The following INPP5F variants were observed in gnomAD, a reference collection of about 807,000 sequenced individuals.
INPP5F encodes the protein inositol polyphosphate-5-phosphatase F.
Under a neutral mutation model 137.2 loss-of-function variants are expected in INPP5F, and 97 were observed. That is an observed-to-expected ratio of 0.71 (90% CI 0.60 to 0.84). The LOEUF (loss-of-function observed/expected upper bound fraction) is 0.84. Ranked by LOEUF, INPP5F falls within the 40% of genes least tolerant of loss-of-function variation. The probability of loss-of-function intolerance (pLI) is 0.00; values close to 1 mark genes in which losing one functional copy is unlikely to be tolerated. For missense variants in INPP5F, 1,271 were observed against 1,371.9 expected (o/e 0.93, Z 1.16); for synonymous variants, 504 against 476.9 (o/e 1.06, Z -0.74).
chr10:119,795,873 G>A (rs1322409986), intron 6 of INPP5F, among the ~76,000 whole-genome samples: 3 of 152,202 alleles, frequency 2.0e-5, no homozygotes, highest in African/African-American at 7.2e-5. Flanking sequence ...GTTAGGAGCT[G>A]GAGACCAGCC....
chr10:119,795,006 G>A (rs1850300542), intron 6 of INPP5F, among the ~76,000 whole-genome samples: 1 of 138,492 alleles, frequency 7.2e-6, no homozygotes, highest in Non-Finnish European at 1.6e-5. Flanking sequence ...TCCCGGATGG[G>A]GCGGCTGGCC....
chr10:119,800,437 G>A (rs1158099865), intron 9 of INPP5F, among the ~76,000 whole-genome samples: 1 of 151,042 alleles, frequency 6.6e-6, no homozygotes. Flanking sequence ...GCTTGTGCCT[G>A]TAATCCTAGC....
intron 1 of INPP5F, among the ~76,000 whole-genome samples, chr10:119,731,237 A>G (rs920297236): frequency 6.6e-6 from 1 of 151,830 alleles, no homozygotes; most frequent in Non-Finnish European, 1.5e-5. Context: ...AATCATAATT[A>G]TGGAATTGAA....
chr10:119,820,275 A>G (rs1320303325), intron 15 of INPP5F, among the ~76,000 whole-genome samples: 1 of 152,224 alleles, frequency 6.6e-6, no homozygotes, highest in Non-Finnish European at 1.5e-5. Context: ...ATATGGCAAA[A>G]TGGAATAAGG....
intron 2 of INPP5F, among the ~76,000 whole-genome samples, chr10:119,770,403 T>C (rs1246658668): frequency 6.6e-6 from 1 of 152,218 alleles, no homozygotes; most frequent in Non-Finnish European, 1.5e-5. Context: ...TTTTAAAAAT[T>C]GTACTGTGAA....
chr10:119,771,889 T>TACA lies in INPP5F; in HGVS notation c.179-9746_179-9745insACA, dbSNP rs1564820119. ...ATATATATATATATATATATTTTTT[T>TACA]TTTTTTTTTTTTTTTTTTTTTTTTG... On this transcript the variant is annotated intron_variant, in intron 2 of 19. Coordinates refer to ENST00000650623, the MANE Select transcript of INPP5F (RefSeq NM_014937.4). 4.7e-3 allele frequency among the ~76,000 whole-genome samples: 203 copies of TACA among 43,148 alleles called. 1 individual carries two copies. Among genetic ancestry groups the TACA allele is most frequent in the Non-Finnish European group, 7.3e-3 (157 of 21,552 alleles). 28.3% of individuals were successfully genotyped at this position (43,148 alleles called of 152,430 possible).
At chr10:119,789,854 A>G (rs972618203) in intron 3 of INPP5F, among the ~76,000 whole-genome samples, 5 of 151,736 alleles carry the variant, frequency 3.3e-5, no homozygotes, top group Non-Finnish European at 5.9e-5. Context: ...GGAGGCTGGA[A>G]AGGAACTGCT....
At chr10:119,783,694 T>C (rs979352486) in intron 3 of INPP5F, among the ~76,000 whole-genome samples, 1 of 152,248 alleles carries the variant, frequency 6.6e-6, no homozygotes, top group Non-Finnish European at 1.5e-5. Flanking sequence ...AGAGCTTCTT[T>C]ATTCTTCATA....
At chr10:119,801,086 A>T (rs895029497) in intron 9 of INPP5F, among the ~76,000 whole-genome samples, 1 of 152,200 alleles carries the variant, frequency 6.6e-6, no homozygotes, top group Non-Finnish European at 1.5e-5. Context: ...AAGAACACTC[A>T]TTGCAGCATA....
At chr10:119,783,256 C>T (rs1849767898) in intron 3 of INPP5F, among the ~76,000 whole-genome samples, 1 of 152,162 alleles carries the variant, frequency 6.6e-6, no homozygotes, top group Admixed American at 6.5e-5. Context: ...CTGGCAGTGT[C>T]TTTTGGATGG....
chr10:119,806,329 T>A lies in INPP5F; in HGVS notation c.1320-31T>A, dbSNP rs183911992. 710 of 1,433,442 alleles carry A rather than the reference T, an allele frequency of 5.0e-4. 3 individuals are homozygous for A. In the African/African-American group the frequency reaches 9.5e-3, roughly 19 times the overall value. The allele number at this position is 1,433,442 out of a possible 1,614,324, so 88.8% of individuals were successfully genotyped here. ...TTTTGAAAACCCTATTATTTTATAT[T>A]GTAAAATAATTCTGTATTATTTTTA... On this transcript the variant is annotated intron_variant, in intron 11 of 19. Coordinates refer to ENST00000650623, the MANE Select transcript of INPP5F (RefSeq NM_014937.4).
intron 15 of INPP5F, among the ~76,000 whole-genome samples, chr10:119,820,438 AGT>A (rs1235904450): frequency 2.0e-5 from 3 of 152,238 alleles, no homozygotes; most frequent in East Asian, 1.9e-4. Context: ...CTGAATGTAT[AGT>A]GTGTTATTTT....
intron 9 of INPP5F, among the ~76,000 whole-genome samples, chr10:119,801,385 T>C (rs1850586944): frequency 6.6e-6 from 1 of 152,216 alleles, no homozygotes; most frequent in Non-Finnish European, 1.5e-5. Context: ...CAGAAATGCA[T>C]TTATGTGGGC....
intron 12 of INPP5F, among the ~76,000 whole-genome samples, chr10:119,807,158 C>T (rs959052758): frequency 6.6e-6 from 1 of 151,982 alleles, no homozygotes; most frequent in Non-Finnish European, 1.5e-5. Flanking sequence ...CTGTAATCCC[C>T]GCTACTCGGG....
At chr10:119,774,767 T>A (rs1368860204) in intron 2 of INPP5F, among the ~76,000 whole-genome samples, 6 of 152,156 alleles carry the variant, frequency 3.9e-5, no homozygotes, top group Non-Finnish European at 8.8e-5. Flanking sequence ...ATCAGTGGAC[T>A]CCCATCTATT....
At chr10:119,753,757 T>C (rs1259874566) in intron 2 of INPP5F, among the ~76,000 whole-genome samples, 2 of 152,226 alleles carry the variant, frequency 1.3e-5, no homozygotes, top group Non-Finnish European at 2.9e-5. Flanking sequence ...ATGAGATTAT[T>C]GTACCTGCAA....
intron 1 of INPP5F, among the ~76,000 whole-genome samples, chr10:119,740,243 C>T (rs774881009): frequency 6.6e-6 from 1 of 152,162 alleles, no homozygotes; most frequent in Non-Finnish European, 1.5e-5. Flanking sequence ...TCTAGATTCT[C>T]CCTCTCTCCT....
intron 12 of INPP5F, among the ~76,000 whole-genome samples, chr10:119,806,768 C>G (rs905543321): frequency 1.3e-5 from 2 of 152,094 alleles, no homozygotes; most frequent in African/African-American, 4.8e-5. Flanking sequence ...ACCTCCAAGC[C>G]CACCCTTCTG....
Position 119,829,100 on chromosome 10 carries a change from T to C in INPP5F, c.*1320T>C, listed in dbSNP as rs1409086596. On this transcript the variant is annotated 3_prime_UTR_variant, in exon 20 of 20. Transcript: ENST00000650623. Reference sequence around the variant, plus strand: ...TAGTGCTATCTTTTTTTTTTACGTGTTAAATCTTGTGATTATTAAAATAAA... The same window carrying C: ...TAGTGCTATCTTTTTTTTTTACGTGCTAAATCTTGTGATTATTAAAATAAA... The C allele has an allele frequency of 6.6e-6, 1 of 152,656 alleles. No individual in the cohort carries two copies. The highest frequency in any genetic ancestry group is 1.9e-4 in the East Asian group (1 of 5,204). 9.5% of individuals were successfully genotyped at this position (152,656 alleles called of 1,614,324 possible).
Sources: allele counts gnomAD v4.1 joint callset (sites outside exome capture counted in the v4.1 genomes callset), GRCh38; gene constraint gnomAD v4.1.1; transcripts MANE v1.5; gene names NCBI Gene and HGNC (gene_info 2026-07-23, HGNC 2026-07-21).